CD200R1: variants seen among roughly 807,000 people sequenced by gnomAD.
The protein encoded by CD200R1 is CD200 receptor 1.
In CD200R1, 30 loss-of-function variants were observed where a neutral mutation model predicts 38.1. That is an observed-to-expected ratio of 0.79 (90% CI 0.59 to 1.07). CD200R1 has a LOEUF of 1.07. CD200R1 is among the 50% of genes least tolerant of loss of function. CD200R1 has a pLI of 0.00. For missense variants in CD200R1, 372 were observed against 415.4 expected (o/e 0.90, Z 0.91); for synonymous variants, 128 against 152.1 (o/e 0.84, Z 1.16).
intron 6 of CD200R1, among the ~76,000 whole-genome samples, 183 bp downstream of exon 6, chr3:112,924,902 A>C (rs940340734): frequency 5.9e-5 from 9 of 152,100 alleles, no homozygotes; most frequent in African/African-American, 2.2e-4. Flanking sequence ...TCTATGCCAA[A>C]GCAACCTAGC....
chr3:112,955,297 G>A (rs116659578), intron 1 of CD200R1, among the ~76,000 whole-genome samples: 5,249 of 152,198 alleles, frequency 0.034, 206 homozygotes, highest in Admixed American at 0.12. Flanking sequence ...TGAACTTTTC[G>A]CCTGGATGGT....
rs574870974 is a variant in CD200R1, at chr3:112,922,599, A to G, written c.*1078T>C. ...CACATCTGCAAAACTGTTAGGCATCAAGTATCAACACCTCTGTGGAGATAT... is the reference window on the plus strand; with the variant it reads ...CACATCTGCAAAACTGTTAGGCATCGAGTATCAACACCTCTGTGGAGATAT... On this transcript the variant is annotated 3_prime_UTR_variant, in exon 8 of 8. Coordinates refer to ENST00000308611, the MANE Select transcript of CD200R1 (RefSeq NM_138806.4). The G allele has an allele frequency of 1.3e-5, 2 of 152,134 alleles. No individual in the cohort carries two copies. Among genetic ancestry groups the G allele is most frequent in the South Asian group, 4.1e-4 (2 of 4,826 alleles). 9.4% of individuals were successfully genotyped at this position (152,134 alleles called of 1,614,324 possible).
intron 2 of CD200R1, 36 bp from the exon 3 acceptor site, chr3:112,931,207 T>C: frequency 7.4e-7 from 1 of 1,344,930 alleles, no homozygotes. Flanking sequence ...ATGAAATCAA[T>C]TTTATGTACT....
intron 6 of CD200R1, 50 bp downstream of exon 6, chr3:112,925,033 CTT>C (rs1399190529): frequency 1.8e-6 from 2 of 1,081,450 alleles, no homozygotes; most frequent in East Asian, 4.8e-5. Context: ...ATTTCTGACT[CTT>C]TTCTAGCCTA....
intron 5 of CD200R1, 32 bp from the exon 6 acceptor site, chr3:112,925,225 G>T: frequency 9.8e-7 from 1 of 1,024,584 alleles, no homozygotes; most frequent in Non-Finnish European, 1.5e-6. Flanking sequence ...GTTCAAATGT[G>T]GTACAATCCA....
chr3:112,940,190 A>T (rs1195050536), intron 2 of CD200R1, among the ~76,000 whole-genome samples: 1 of 151,960 alleles, frequency 6.6e-6, no homozygotes, highest in Non-Finnish European at 1.5e-5. Context: ...TGAAGACCTA[A>T]ATATAAGACC....
At chr3:112,930,070 C>CT (rs964089529) in intron 3 of CD200R1, among the ~76,000 whole-genome samples, 8 of 149,756 alleles carry the variant, frequency 5.3e-5, no homozygotes, top group South Asian at 2.1e-4. Context: ...TTTTTAAGTT[C>CT]TTTTTTTTAA....
At chr3:112,956,625 A>T (rs1243621396) in intron 1 of CD200R1, among the ~76,000 whole-genome samples, 1 of 152,136 alleles carries the variant, frequency 6.6e-6, no homozygotes, top group Non-Finnish European at 1.5e-5. Flanking sequence ...TTGAAGAAGT[A>T]GGCACTTCAT....
intron 2 of CD200R1, among the ~76,000 whole-genome samples, chr3:112,931,882 G>A (rs552865180): frequency 1.3e-5 from 2 of 152,156 alleles, no homozygotes; most frequent in South Asian, 4.1e-4. Context: ...AAGCATAAAA[G>A]CACCCTGCCT....
chr3:112,924,619 G>A (rs1196489838), intron 6 of CD200R1, 84 bp from the exon 7 acceptor site: 2 of 793,494 alleles, frequency 2.5e-6, no homozygotes, highest in Non-Finnish European at 3.4e-6. Context: ...GTATACTATT[G>A]ACAATTGTGT....
intron 2 of CD200R1, among the ~76,000 whole-genome samples, chr3:112,932,761 T>A (rs531091649): frequency 3.5e-4 from 53 of 151,806 alleles, no homozygotes; most frequent in Admixed American, 7.9e-4. Context: ...GCAGGGCAGA[T>A]CCACTCCCAG....
At chr3:112,950,269 G>A (rs761432701) in intron 1 of CD200R1, among the ~76,000 whole-genome samples, 34 of 152,022 alleles carry the variant, frequency 2.2e-4, no homozygotes, top group Non-Finnish European at 4.3e-4. Context: ...GGATGTGGTG[G>A]CAGATGCCTG....
chr3:112,963,271 C>CA (rs1933068657), intron 1 of CD200R1, among the ~76,000 whole-genome samples: 1 of 152,148 alleles, frequency 6.6e-6, no homozygotes, highest in Non-Finnish European at 1.5e-5. Context: ...AAAAGATACC[C>CA]AAAAATGTTG....
intron 1 of CD200R1, among the ~76,000 whole-genome samples, chr3:112,958,043 T>C (rs1477928807): frequency 6.6e-6 from 1 of 152,156 alleles, no homozygotes; most frequent in Non-Finnish European, 1.5e-5. Context: ...AGTGGGAATG[T>C]AAAATAATGT....
At chr3:112,961,736 G>A (rs1576151737) in intron 1 of CD200R1, among the ~76,000 whole-genome samples, 1 of 151,982 alleles carries the variant, frequency 6.6e-6, no homozygotes, top group African/African-American at 2.4e-5. Flanking sequence ...GCAAAAACCT[G>A]GGGAATGTTT....
At chr3:112,931,208 T>G (rs768506874) in intron 2 of CD200R1, 37 bp from the exon 3 acceptor site, 1 of 1,346,902 alleles carries the variant, frequency 7.4e-7, no homozygotes, top group Non-Finnish European at 1.1e-6. Context: ...TGAAATCAAT[T>G]TTATGTACTC....
intron 2 of CD200R1, among the ~76,000 whole-genome samples, chr3:112,944,938 G>T (rs1237853834): frequency 2.0e-5 from 3 of 152,092 alleles, no homozygotes; most frequent in Admixed American, 6.5e-5. Context: ...TGAACAAGTG[G>T]AATTTGAAGT....
At chr3:112,927,499 T>C (rs1940306936) in intron 5 of CD200R1, among the ~76,000 whole-genome samples, 1 of 152,150 alleles carries the variant, frequency 6.6e-6, no homozygotes, top group African/African-American at 2.4e-5. Context: ...TAGTACTCAC[T>C]TCAAAATGAA....
chr3:112,955,455 C>G (rs377128993), intron 1 of CD200R1, among the ~76,000 whole-genome samples: 1 of 151,402 alleles, frequency 6.6e-6, no homozygotes, highest in Non-Finnish European at 1.5e-5. Flanking sequence ...GTTATATGCT[C>G]TTACTAAATT....
Sources: allele counts gnomAD v4.1 joint callset (sites outside exome capture counted in the v4.1 genomes callset), GRCh38; gene constraint gnomAD v4.1.1; transcripts MANE v1.5; gene names NCBI Gene and HGNC (gene_info 2026-07-23, HGNC 2026-07-21).